Variants in TGS1 observed in about 807,000 individuals in gnomAD.
TGS1 encodes the protein trimethylguanosine synthase.
Under a neutral mutation model 92.2 loss-of-function variants are expected in TGS1, and 69 were observed. That is an observed-to-expected ratio of 0.75 (90% CI 0.62 to 0.91). The LOEUF is 0.91. Ranked by LOEUF, TGS1 falls within the 40% of genes least tolerant of loss-of-function variation. TGS1 has a pLI of 0.00. For missense variants in TGS1, 1,062 were observed against 1,001.2 expected (o/e 1.06, Z -0.82); for synonymous variants, 345 against 338.1 (o/e 1.02, Z -0.22).
At position 55,785,838 on chromosome 8, in the gene TGS1, A is replaced by C. The variant is rs1563452166; in HGVS notation, c.286A>C (p.Ser96Arg). Residue 96 changes from serine to arginine, a missense_variant, in exon 3 of 13, where the codon AGT (serine) becomes CGT (arginine). Physicochemically the swap from Ser to Arg is moderately radical, Grantham distance 110 (BLOSUM62 -1). Coordinates refer to ENST00000260129, the MANE Select transcript of TGS1 (RefSeq NM_024831.8). ...ELDSEAELMR[S>R]MGLPLQFGRI... is the part of the protein sequence containing the mutation. ...TGATTCTGAGGCTGAACTCATGAGAAGTATGGGATTGCCACTTCAATTTGG... is the reference window on the plus strand; with the variant it reads ...TGATTCTGAGGCTGAACTCATGAGACGTATGGGATTGCCACTTCAATTTGG... 1.2e-6 allele frequency: 2 copies of C among 1,613,938 alleles called. No individual in the cohort carries two copies. Among genetic ancestry groups the C allele is most frequent in the Non-Finnish European group, 1.7e-6 (2 of 1,179,904 alleles).
intron 12 of TGS1, among the ~76,000 whole-genome samples, chr8:55,820,486 C>A (rs1031321881): frequency 6.6e-5 from 10 of 151,922 alleles, no homozygotes; most frequent in Non-Finnish European, 1.5e-4. Context: ...TGCAGTGAGC[C>A]GAGATCATGC....
chr8:55,817,256 T>C (rs1803505945), intron 12 of TGS1, among the ~76,000 whole-genome samples: 1 of 152,196 alleles, frequency 6.6e-6, no homozygotes, highest in South Asian at 2.1e-4. Flanking sequence ...TTCCTCATTG[T>C]AACAGTCACT....
intron 10 of TGS1, among the ~76,000 whole-genome samples, chr8:55,809,761 A>G (rs747284892): frequency 1.3e-5 from 2 of 152,206 alleles, no homozygotes; most frequent in Admixed American, 6.5e-5. Context: ...GATAGATTGA[A>G]TGCTTCCATT....
intron 10 of TGS1, among the ~76,000 whole-genome samples, chr8:55,808,642 G>A (rs908142738): frequency 6.6e-6 from 1 of 151,704 alleles, no homozygotes; most frequent in Non-Finnish European, 1.5e-5. Context: ...CCATATAGCT[G>A]GGACTGCAGG....
intron 4 of TGS1, among the ~76,000 whole-genome samples, chr8:55,787,695 A>G (rs1231303691): frequency 6.6e-6 from 1 of 152,234 alleles, no homozygotes; most frequent in African/African-American, 2.4e-5. Flanking sequence ...TGCGATGAGA[A>G]TGTTTACTTT....
At chr8:55,785,656 G>A (rs1585759206) in intron 2 of TGS1, 63 bp from the exon 3 acceptor site, 2 of 1,247,778 alleles carry the variant, frequency 1.6e-6, no homozygotes, top group Non-Finnish European at 2.2e-6. Flanking sequence ...TTTTTTAAAT[G>A]AGAATAAGAA....
intron 1 of TGS1, among the ~76,000 whole-genome samples, chr8:55,779,198 T>C (rs898486985): frequency 6.6e-6 from 1 of 152,224 alleles, no homozygotes. Flanking sequence ...TTAGCAAGTA[T>C]AATGGAAATT....
rs1812324783 is a variant in TGS1 at position 55,804,948 on chromosome 8, T to C, written c.2055T>C (p.Val685=). The C allele has an allele frequency of 6.2e-7, 1 of 1,614,118 alleles. No individual in the cohort carries two copies. Among genetic ancestry groups the C allele is most frequent in the East Asian group, 2.2e-5 (1 of 44,868 alleles). ...TTGCTGAACACATTGCTGGCCGTGTTAGTCAGTCCTTCAAGTGTGACGTTG... is the reference window on the plus strand; with the variant it reads ...TTGCTGAACACATTGCTGGCCGTGTCAGTCAGTCCTTCAAGTGTGACGTTG... ...EKIAEHIAGR[V]SQSFKCDVVV... Residue 685 remains valine, a synonymous_variant, in exon 10 of 13, where the codon GTT becomes GTC. Coordinates refer to ENST00000260129, the MANE Select transcript of TGS1 (RefSeq NM_024831.8).
chr8:55,786,783 TC>T lies in TGS1; in HGVS notation c.887del (p.Pro296HisfsTer29). ...GCATGAAAGTTGACTTAGTATCTTT[TC>T]CATCTTCACCTATTATGGTTGATAA... ...KCMKVDLVSF[P>X]SSPIMVDNDS... is the part of the protein sequence containing the mutation. On this transcript the variant is annotated frameshift_variant, in exon 4 of 13. Transcript: ENST00000260129. LOFTEE classifies it high-confidence loss of function. 1 of 1,614,176 alleles carries T rather than the reference TC, an allele frequency of 6.2e-7. No individual in the cohort carries two copies. Among genetic ancestry groups the T allele is most frequent in the Non-Finnish European group, 8.5e-7 (1 of 1,180,030 alleles).
At chr8:55,822,182 G>C (rs980023761) in intron 12 of TGS1, among the ~76,000 whole-genome samples, 1 of 151,198 alleles carries the variant, frequency 6.6e-6, no homozygotes, top group South Asian at 2.1e-4. Context: ...CCATTCTCCT[G>C]CCTCAGCCTC....
At chr8:55,810,612 G>A (rs577752768) in intron 10 of TGS1, among the ~76,000 whole-genome samples, 114 of 152,330 alleles carry the variant, frequency 7.5e-4, no homozygotes, top group African/African-American at 2.7e-3. Flanking sequence ...TTTGTGGCAA[G>A]TATTGCCACT....
intron 12 of TGS1, among the ~76,000 whole-genome samples, chr8:55,813,896 G>T (rs539132611): frequency 5.9e-5 from 9 of 152,120 alleles, no homozygotes; most frequent in Non-Finnish European, 1.3e-4. Context: ...TGTGTTGCCT[G>T]TGCTTTAGAG....
chr8:55,787,163 G>A, intron 4 of TGS1, 103 bp downstream of exon 4: 1 of 736,692 alleles, frequency 1.4e-6, no homozygotes, highest in Non-Finnish European at 2.2e-6. Context: ...ATAATACCAA[G>A]TACATTTCAT....
At chr8:55,778,592 T>C (rs899942443) in intron 1 of TGS1, among the ~76,000 whole-genome samples, 3 of 152,194 alleles carry the variant, frequency 2.0e-5, no homozygotes, top group Non-Finnish European at 4.4e-5. Flanking sequence ...AATTGTTTGA[T>C]ATGTTTTCCC....
intron 1 of TGS1, among the ~76,000 whole-genome samples, chr8:55,777,350 C>T (rs1214669908): frequency 7.3e-5 from 11 of 150,296 alleles, no homozygotes; most frequent in Admixed American, 7.3e-4. Flanking sequence ...TCCCACCCTT[C>T]GTATCTGATC....
chr8:55,790,392 A>C (rs938912529), intron 5 of TGS1, 93 bp downstream of exon 5: 4 of 797,822 alleles, frequency 5.0e-6, no homozygotes. Flanking sequence ...TATGTTCACA[A>C]CACCAGTAAT....
At chr8:55,782,682 G>A in intron 1 of TGS1, 66 bp from the exon 2 acceptor site, 1 of 1,244,140 alleles carries the variant, frequency 8.0e-7, no homozygotes, top group Non-Finnish European at 1.1e-6. Flanking sequence ...GATGGCTCGA[G>A]ATTTCTTTCC....
intron 8 of TGS1, among the ~76,000 whole-genome samples, chr8:55,802,071 G>C (rs1181768577): frequency 6.6e-6 from 1 of 152,168 alleles, no homozygotes; most frequent in Non-Finnish European, 1.5e-5. Flanking sequence ...ACGGGCGCCT[G>C]TAGTCCCAGC....
intron 1 of TGS1, among the ~76,000 whole-genome samples, chr8:55,774,214 A>G (rs1426250578): frequency 6.6e-6 from 1 of 152,212 alleles, no homozygotes. Context: ...TTTTGGGGAA[A>G]TCTTTGAATC....
Sources: gnomAD v4.1 joint callset for allele counts (sites outside exome capture counted in the v4.1 genomes callset) on GRCh38, gnomAD v4.1.1 for gene constraint, MANE v1.5 for transcripts, NCBI Gene and HGNC (gene_info 2026-07-23, HGNC 2026-07-21) for gene names.